The following EPB41L3 variants were observed in gnomAD, a reference collection of about 807,000 sequenced individuals.
The protein encoded by EPB41L3 is erythrocyte membrane protein band 4.1 like 3, also known as band 4.1-like protein 3.
A neutral mutation model predicts 127.1 loss-of-function variants in EPB41L3; 57 were observed. The observed-to-expected ratio is 0.45, with a 90% CI of 0.36 to 0.56. EPB41L3 has a LOEUF of 0.56. EPB41L3 is among the 20% of genes least tolerant of loss of function. The pLI, the probability that EPB41L3 is intolerant of heterozygous loss-of-function variation, is 0.00. For synonymous variants in EPB41L3, 572 were observed against 549.5 expected (o/e 1.04, Z -0.57); for missense variants, 1,273 against 1,372.2 (o/e 0.93, Z 1.14).
chr18:5,559,332 A>T (rs2149193302), intron 3 of EPB41L3, among the ~76,000 whole-genome samples: 1 of 152,302 alleles, frequency 6.6e-6, no homozygotes, highest in East Asian at 1.9e-4. Flanking sequence ...ACTTTTTGCA[A>T]AGGCAAAAAG....
chr18:5,468,786 T>C lies in EPB41L3; in HGVS notation c.381+9455A>G, dbSNP rs572955863. Among the ~76,000 whole-genome samples the C allele has an allele frequency of 2.1e-3, 316 of 152,228 alleles. 3 individuals are homozygous for C. Among genetic ancestry groups the C allele is most frequent in the African/African-American group, 7.3e-3 (305 of 41,544 alleles). On this transcript the variant is annotated intron_variant, in intron 3 of 22. Transcript: ENST00000341928. ...AAACAATTAGCCAGGCGTGGTGGCA[T>C]GTGCCTGTAATCCCAGCTACTTGGG...
intron 3 of EPB41L3, among the ~76,000 whole-genome samples, chr18:5,471,631 T>C (rs917018631): frequency 2.6e-5 from 4 of 152,192 alleles, no homozygotes; most frequent in Admixed American, 2.0e-4. Context: ...TAAGATACTG[T>C]CCTCTGAAAC....
rs1330149716 is a variant in EPB41L3, at chr18:5,541,071, C to T, written c.-12+2842G>A. Among the ~76,000 whole-genome samples the T allele has an allele frequency of 1.5e-4, 17 of 110,078 alleles. No homozygotes were observed. The East Asian group carries it at 4.5e-3, about 29-fold the overall frequency. The allele number at this position is 110,078 out of a possible 152,430, so 72.2% of individuals were successfully genotyped here. ...CTGCACTCCAGCCTGGGCGACAGAG[C>T]GAGACTCCGTCTCAAAAAAAAAAAA... On this transcript the variant is annotated intron_variant, in intron 1 of 22. Transcript: ENST00000341928.
chr18:5,557,829 TAATA>T (rs1056420953), intron 3 of EPB41L3, among the ~76,000 whole-genome samples: 1 of 152,188 alleles, frequency 6.6e-6, no homozygotes, highest in African/African-American at 2.4e-5. Flanking sequence ...TGCACTGGGC[TAATA>T]AATAAGGGGG....
intron 3 of EPB41L3, among the ~76,000 whole-genome samples, chr18:5,572,896 G>C (rs964592847): frequency 6.6e-6 from 1 of 152,132 alleles, no homozygotes; most frequent in Non-Finnish European, 1.5e-5. Flanking sequence ...TGTGAATCCA[G>C]GTGGAAAGAA....
chr18:5,394,979 T>C, intron 21 of EPB41L3, 88 bp downstream of exon 21: 1 of 1,356,308 alleles, frequency 7.4e-7, no homozygotes, highest in Non-Finnish European at 1.1e-6. Flanking sequence ...GAATACATGC[T>C]GGACTAGAGG....
chr18:5,518,533 T>C (rs181174856), intron 1 of EPB41L3: 12 of 152,372 alleles, frequency 7.9e-5, no homozygotes, highest in East Asian at 3.9e-4. Flanking sequence ...GCCTGTGCAA[T>C]AGAAGCTCCA....
At chr18:5,395,984 T>A (rs924906947) in intron 19 of EPB41L3, among the ~76,000 whole-genome samples, 3 of 152,222 alleles carry the variant, frequency 2.0e-5, no homozygotes, top group Admixed American at 6.5e-5. Flanking sequence ...TGAGCCTTTT[T>A]CTACACTTCA....
intron 3 of EPB41L3, among the ~76,000 whole-genome samples, chr18:5,470,007 T>G (rs530316895): frequency 6.6e-6 from 1 of 152,246 alleles, no homozygotes; most frequent in East Asian, 1.9e-4. Context: ...CTTGAACTCC[T>G]GACCTCGTGA....
At chr18:5,562,165 T>C (rs1217826240) in intron 3 of EPB41L3, among the ~76,000 whole-genome samples, 1 of 152,220 alleles carries the variant, frequency 6.6e-6, no homozygotes, top group African/African-American at 2.4e-5. Context: ...GTTACCAATG[T>C]TGGTTTCATA....
chr18:5,399,263 G>A, intron 16 of EPB41L3: 1 of 399,036 alleles, frequency 2.5e-6, no homozygotes, highest in Non-Finnish European at 4.4e-6. Flanking sequence ...ATTTTAACAT[G>A]TCAGCTGGGA....
chr18:5,403,604 A>C (rs905849892), intron 16 of EPB41L3, among the ~76,000 whole-genome samples: 122 of 151,438 alleles, frequency 8.1e-4, no homozygotes, highest in African/African-American at 2.8e-3. Flanking sequence ...AAAAAAAAAA[A>C]AACAACAACA....
intron 3 of EPB41L3, among the ~76,000 whole-genome samples, chr18:5,608,982 C>G (rs1422817470): frequency 6.6e-6 from 1 of 152,134 alleles, no homozygotes; most frequent in East Asian, 1.9e-4. Context: ...TTACTTACAC[C>G]AGAATAGAAA....
At chr18:5,601,815 T>A (rs2094594970) in intron 3 of EPB41L3, among the ~76,000 whole-genome samples, 1 of 152,220 alleles carries the variant, frequency 6.6e-6, no homozygotes, top group South Asian at 2.1e-4. Flanking sequence ...AAGCTGAATG[T>A]TTTTCCTTTG....
intron 11 of EPB41L3, among the ~76,000 whole-genome samples, chr18:5,421,010 T>A (rs749972526): frequency 2.6e-5 from 4 of 152,200 alleles, no homozygotes; most frequent in Non-Finnish European, 5.9e-5. Context: ...CCATTCTCTG[T>A]GAGATGCAAC....
chr18:5,395,132 T>C lies in EPB41L3; in HGVS notation c.3088A>G (p.Ile1030Val). Residue 1030 changes from isoleucine to valine, a missense_variant, in exon 21 of 23, where the codon ATT becomes GTT. By Grantham distance (29) the Ile-to-Val change is conservative. This residue lies in a region of EPB41L3 where 765 missense variants were observed against 782.9 expected (regional missense o/e 0.98). Coordinates refer to ENST00000341928, the MANE Select transcript of EPB41L3 (RefSeq NM_012307.5). ...THITKTVKGG[I>V]SETRIEKRIV... ...CGCTTCTCAATTCTTGTCTCTGAAATGCCCCCTTTCACAGTCTGCAAGACA... is the reference window on the plus strand; with the variant it reads ...CGCTTCTCAATTCTTGTCTCTGAAACGCCCCCTTTCACAGTCTGCAAGACA... The C allele has an allele frequency of 6.2e-7, 1 of 1,614,094 alleles. No individual in the cohort carries two copies. The highest frequency in any genetic ancestry group is 8.5e-7 in the Non-Finnish European group (1 of 1,179,964).
intron 3 of EPB41L3, among the ~76,000 whole-genome samples, chr18:5,580,534 A>G (rs2094384140): frequency 6.6e-6 from 1 of 152,228 alleles, no homozygotes; most frequent in African/African-American, 2.4e-5. Flanking sequence ...GCAAATATGT[A>G]TACATATATA....
chr18:5,463,178 T>G (rs1310111931), intron 3 of EPB41L3, among the ~76,000 whole-genome samples: 1 of 152,210 alleles, frequency 6.6e-6, no homozygotes, highest in East Asian at 1.9e-4. Flanking sequence ...ACAATAGAGC[T>G]GACTAGTGTC....
chr18:5,493,838 C>T (rs925475794), intron 1 of EPB41L3, among the ~76,000 whole-genome samples: 1 of 152,144 alleles, frequency 6.6e-6, no homozygotes, highest in Admixed American at 6.5e-5. Context: ...GCCAGTCAAT[C>T]CTAGGTGGCA....
Sources: allele counts gnomAD v4.1 joint callset (sites outside exome capture counted in the v4.1 genomes callset), GRCh38; gene constraint gnomAD v4.1.1; regional missense constraint gnomAD v4.1.1; transcripts MANE v1.5; gene names NCBI Gene and HGNC (gene_info 2026-07-23, HGNC 2026-07-21).